The following ZSWIM4 variants were observed in gnomAD, a reference collection of about 807,000 sequenced individuals.
The protein encoded by ZSWIM4 is zinc finger SWIM-type containing 4, also known as zinc finger SWIM domain-containing protein 4.
Under a neutral mutation model 102.5 loss-of-function variants are expected in ZSWIM4, and 62 were observed. That is an observed-to-expected ratio of 0.60 (90% confidence interval 0.49 to 0.75). The LOEUF (loss-of-function observed/expected upper bound fraction) is 0.75. Ranked by LOEUF, ZSWIM4 falls within the 30% of genes least tolerant of loss-of-function variation. The pLI is 0.00. For synonymous variants in ZSWIM4, 652 were observed against 674.5 expected (o/e 0.97, Z 0.52); for missense variants, 1,280 against 1,529.6 (o/e 0.84, Z 2.72).
rs547055445 is a variant in ZSWIM4 at position 13,830,570 on chromosome 19, G to C, written c.2841G>C (p.Ala947=). 3.8e-6 allele frequency: 6 copies of C among 1,599,604 alleles called. No homozygotes were observed. The East Asian group carries it at 1.1e-4, about 30-fold the overall frequency. ...ACAAGCTGGCGACGCTGGCCCTGGC[G>C]CAGCTCAGCATCGCCTTCAACCAGG... ...RAYKLATLAL[A]QLSIAFNQDS... Residue 947 remains alanine (A), a synonymous_variant, in exon 14 of 14, where the codon GCG becomes GCC. Transcript: ENST00000590508.
At chr19:13,823,005 G>T (rs1361432524) in intron 10 of ZSWIM4, among the ~76,000 whole-genome samples, 1 of 151,604 alleles carries the variant, frequency 6.6e-6, no homozygotes. Context: ...AAAGAAAAAA[G>T]CCAGGTATGG....
chr19:13,829,648 C>T (rs1024702418), intron 13 of ZSWIM4, among the ~76,000 whole-genome samples: 1 of 151,798 alleles, frequency 6.6e-6, no homozygotes, highest in Admixed American at 6.6e-5. Context: ...TACGGTGAAA[C>T]CCCGTCTCTA....
At chr19:13,813,587 A>C (rs933429522) in intron 6 of ZSWIM4, among the ~76,000 whole-genome samples, 1 of 151,938 alleles carries the variant, frequency 6.6e-6, no homozygotes, top group South Asian at 2.1e-4. Context: ...GATAGGAAGG[A>C]AGACAGAGAG....
rs956796094 is a variant in ZSWIM4 at position 13,809,278 on chromosome 19, G to A, written c.1012+58G>A. 28 of 1,530,690 alleles carry A rather than the reference G, an allele frequency of 1.8e-5. No homozygotes were observed. Among genetic ancestry groups the A allele is most frequent in the Non-Finnish European group, 2.4e-5 (27 of 1,143,138 alleles). 94.8% of individuals were successfully genotyped at this position (1,530,690 alleles called of 1,614,324 possible). On this transcript the variant is annotated intron_variant, in intron 5 of 13. Transcript: ENST00000590508. The surrounding 1 kb of genome is among the most constrained non-coding windows in gnomAD (Gnocchi z 4.2). ...CGGGACTTCGGCTCCCATGGGGGCT[G>A]GCCCACTCCAAGATTAGGGTCTGTT...
At chr19:13,821,830 G>A (rs930688432) in intron 10 of ZSWIM4, among the ~76,000 whole-genome samples, 54 of 151,866 alleles carry the variant, frequency 3.6e-4, no homozygotes, top group Admixed American at 2.0e-3. Context: ...CAAACCTCCC[G>A]GGTTCAAGTG....
intron 5 of ZSWIM4, among the ~76,000 whole-genome samples, chr19:13,812,202 T>G (rs957599252): frequency 1.3e-5 from 2 of 152,232 alleles, no homozygotes; most frequent in South Asian, 4.1e-4. Flanking sequence ...CGCAGACCCC[T>G]GCATGAGATG....
intron 12 of ZSWIM4, 134 bp from the exon 13 acceptor site, chr19:13,828,511 T>G: frequency 4.7e-5 from 30 of 632,272 alleles, no homozygotes; most frequent in East Asian, 1.1e-4. Context: ...CCCAGAAAGT[T>G]GAGATCACTT....
At chr19:13,804,239 G>A (rs982797568) in intron 2 of ZSWIM4, among the ~76,000 whole-genome samples, 1 of 152,008 alleles carries the variant, frequency 6.6e-6, no homozygotes, top group African/African-American at 2.4e-5. Flanking sequence ...GGGAGGCTGA[G>A]GCAGGCGGAT....
In ZSWIM4 at chr19:13,830,565, C is replaced by T; in HGVS notation, c.2836C>T (p.Leu946=). ...GGCCTACAAGCTGGCGACGCTGGCC[C>T]TGGCGCAGCTCAGCATCGCCTTCAA... is the stretch of plus-strand genomic sequence containing the variant. ...LRAYKLATLA[L]AQLSIAFNQD... Residue 946 remains leucine (L), a synonymous_variant, in exon 14 of 14, where the codon CTG becomes TTG. Transcript: ENST00000590508. 1 of 1,599,734 alleles carries T rather than the reference C, an allele frequency of 6.3e-7. No homozygotes were observed. The highest frequency in any genetic ancestry group is 8.5e-7 in the Non-Finnish European group (1 of 1,179,694).
Position 13,830,783 on chromosome 19 carries a change from C to T in ZSWIM4, c.3054C>T (p.Ala1018=), listed in dbSNP as rs112676900. The part of the protein sequence containing the change: ...PGLGPLGARR[A]AKPLGADRAP... ...TGGGCCCCTTAGGGGCACGCCGGGC[C>T]GCCAAGCCACTGGGTGCCGACCGGG... The change falls in exon 14 of 14, where the codon GCC becomes GCT. Residue 1018 remains alanine, a synonymous_variant. Coordinates refer to ENST00000590508, the MANE Select transcript of ZSWIM4 (RefSeq NM_001367834.3). 0.073 allele frequency: 116,990 copies of T among 1,604,420 alleles called. 5,067 individuals carry two copies. The highest frequency in any genetic ancestry group is 0.16 in the South Asian group (14,423 of 90,088).
rs749501569 is a variant in ZSWIM4 at position 13,830,344 on chromosome 19, C to T, written c.2615C>T (p.Ala872Val). 32 of 1,613,214 alleles carry T rather than the reference C, an allele frequency of 2.0e-5. No homozygotes were observed. The highest frequency in any genetic ancestry group is 2.7e-5 in the African/African-American group (2 of 74,944). The stretch of plus-strand genomic sequence containing the variant: ...CGGAGGGAGGAGCTCTGGGCCTGCG[C>T]CCGCACCCTGGCCTTGCAGTGCGCG... ...TSRREELWAC[A>V]RTLALQCAMK... Residue 872 changes from alanine to valine, a missense_variant, in exon 14 of 14, where the codon GCC becomes GTC. Transcript: ENST00000590508.
chr19:13,825,593 G>C lies in ZSWIM4; in HGVS notation c.2259G>C (p.Gln753His), dbSNP rs143092042. Reference protein sequence around the residue: ...WLHTVLGSIQQNIHSPALLFK... With the variant: ...WLHTVLGSIQHNIHSPALLFK... ...ACACGGTACTGGGCTCCATCCAGCA[G>C]AACATCCACTCTCCGGCCCTGCTCT... is the stretch of plus-strand genomic sequence containing the variant. Residue 753 changes from glutamine to histidine, a missense_variant, in exon 12 of 14, where the codon CAG (glutamine) becomes CAC (histidine). Coordinates refer to ENST00000590508, the MANE Select transcript of ZSWIM4 (RefSeq NM_001367834.3). The surrounding 1 kb of genome is among the most constrained non-coding windows in gnomAD (Gnocchi z 4.6). 6.7e-5 allele frequency: 108 copies of C among 1,614,214 alleles called. No homozygotes were observed. In the African/African-American group the frequency reaches 1.2e-3, roughly 18 times the overall value.
rs1975393115 is a variant in ZSWIM4 at position 13,819,262 on chromosome 19, G to C, written c.1925-95G>C. 10 of 1,532,730 alleles carry C rather than the reference G, an allele frequency of 6.5e-6. No homozygotes were observed. In the South Asian group the frequency reaches 1.3e-4, roughly 19 times the overall value. The allele number at this position is 1,532,730 out of a possible 1,614,324, so 94.9% of individuals were successfully genotyped here. A position where few individuals can be genotyped will look rare whatever the true frequency, so the allele number is the denominator to read the frequency against. The stretch of plus-strand genomic sequence containing the variant: ...CCACAGCCACTCTACCCAGGGGCCA[G>C]CCCACCCTCTACTTAAAGCCTGGGG... On this transcript the variant is annotated intron_variant, in intron 9 of 13. Transcript: ENST00000590508.
In ZSWIM4 at chr19:13,830,679, C is replaced by A; in HGVS notation, c.2950C>A (p.Pro984Thr). ...CCGGCACGAGCTCTCTGCCATCGTC[C>A]CCCTCATCATTCGCAGCATCCACTG... ...LGRHELSAIV[P>T]LIIRSIHCAP... Residue 984 changes from proline to threonine, a missense_variant, in exon 14 of 14, where the codon CCC (proline) becomes ACC (threonine). Physicochemically the swap from Pro to Thr is conservative, Grantham distance 38 (BLOSUM62 -1). Coordinates refer to ENST00000590508, the MANE Select transcript of ZSWIM4 (RefSeq NM_001367834.3). 3.1e-6 allele frequency: 5 copies of A among 1,605,362 alleles called. No homozygotes were observed. The highest frequency in any genetic ancestry group is 3.4e-6 in the Non-Finnish European group (4 of 1,179,348).
Position 13,819,291 on chromosome 19 carries a change from A to G in ZSWIM4, c.1925-66A>G. ...ACCCTCTACTTAAAGCCTGGGGTCT[A>G]GTGAGACCTGGGGAAGGGCAGAGGC... On this transcript the variant is annotated intron_variant, in intron 9 of 13. Transcript: ENST00000590508. 2.5e-6 allele frequency: 4 copies of G among 1,595,480 alleles called. No individual in the cohort carries two copies. The South Asian group carries it at 4.6e-5, about 18-fold the overall frequency.
chr19:13,824,750 A>G (rs1975559947), intron 11 of ZSWIM4, among the ~76,000 whole-genome samples: 2 of 61,758 alleles, frequency 3.2e-5, no homozygotes, highest in Admixed American at 1.6e-4. Flanking sequence ...TAATAATAAT[A>G]ATAATAATAA....
rs779604377 is a variant in ZSWIM4, at chr19:13,830,155, G to T, written c.2462-36G>T. 2.1e-5 allele frequency: 33 copies of T among 1,589,020 alleles called. No individual in the cohort carries two copies. The African/African-American group carries it at 4.2e-4, about 20-fold the overall frequency. ...CATACATGTACGTGTGTCTGCCCCC[G>T]CTCCTGACGGATTTCCCTCCCTCAC... On this transcript the variant is annotated intron_variant, in intron 13 of 13. Coordinates refer to ENST00000590508, the MANE Select transcript of ZSWIM4 (RefSeq NM_001367834.3).
intron 10 of ZSWIM4, among the ~76,000 whole-genome samples, chr19:13,821,012 G>A (rs781078231): frequency 1.3e-5 from 2 of 152,120 alleles, no homozygotes; most frequent in Non-Finnish European, 2.9e-5. Context: ...GGCCGGGCAT[G>A]GTGGCTCATG....
chr19:13,802,068 T>C (rs62124244), intron 2 of ZSWIM4, among the ~76,000 whole-genome samples: 66,162 of 147,924 alleles, frequency 0.45, 17,947 homozygotes, highest in African/African-American at 0.78. Context: ...CTCCACTTCC[T>C]GGGTTCACAC....
Sources: gnomAD v4.1 joint callset for allele counts (sites outside exome capture counted in the v4.1 genomes callset) on GRCh38, gnomAD v4.1.1 for gene constraint, Gnocchi (gnomAD v3.1) non-coding constraint, MANE v1.5 for transcripts, NCBI Gene and HGNC (gene_info 2026-07-23, HGNC 2026-07-21) for gene names.